The following TENM1 variants were observed in gnomAD, a reference collection of about 807,000 sequenced individuals.
The protein encoded by TENM1 is teneurin-1.
A neutral mutation model predicts 174.8 loss-of-function variants in TENM1; 35 were observed. The ratio of observed to expected loss-of-function variants is 0.20; its 90% CI spans 0.15 to 0.27. TENM1 has a LOEUF of 0.27. TENM1 is among the 10% of genes least tolerant of loss of function. The pLI is 1.00. For synonymous variants in TENM1, 781 were observed against 798.7 expected, an observed-to-expected ratio of 0.98 and a Z score of 0.37; for missense variants, 1,633 against 2,130.1, an observed-to-expected ratio of 0.77 and a Z score of 4.59.
the TENM1 span, among the ~76,000 whole-genome samples, chrX:125,126,530 T>TA: frequency 1.8e-5 from 2 of 111,422 alleles, no homozygotes; most frequent in Non-Finnish European, 3.8e-5. Flanking sequence ...TAGGCATATC[T>TA]AAGTACCAAG....
At chrX:124,660,761 T>C (rs2051580137) in intron 6 of TENM1, among the ~76,000 whole-genome samples, 1 of 112,159 alleles carries the variant, frequency 8.9e-6, no homozygotes, top group Non-Finnish European at 1.9e-5. Context: ...TCTCATACAT[T>C]GCTGGTGGGA....
the TENM1 span, among the ~76,000 whole-genome samples, chrX:125,200,158 A>T: frequency 8.9e-6 from 1 of 111,901 alleles, no homozygotes; most frequent in Admixed American, 9.6e-5. Context: ...TTCTAAAAAA[A>T]ATCAATGGAA....
At chrX:125,037,809 T>C in the TENM1 span, among the ~76,000 whole-genome samples, 1 of 111,583 alleles carries the variant, frequency 9.0e-6, no homozygotes, top group Admixed American at 9.5e-5. Flanking sequence ...TAAATTAGTC[T>C]CTCTAGGCTC....
the TENM1 span, among the ~76,000 whole-genome samples, chrX:125,162,439 T>C: frequency 8.9e-6 from 1 of 111,978 alleles, no homozygotes; most frequent in Admixed American, 9.5e-5. Context: ...TTAAATGAAG[T>C]TCACCAATGT....
intron 4 of TENM1, among the ~76,000 whole-genome samples, chrX:124,723,940 C>A (rs1272913301): frequency 9.0e-6 from 1 of 111,379 alleles, no homozygotes; most frequent in Admixed American, 9.5e-5. Flanking sequence ...TAACTGATGA[C>A]CCTGTGGCAT....
intron 11 of TENM1, among the ~76,000 whole-genome samples, chrX:124,569,227 C>A (rs186162968): frequency 5.5e-4 from 49 of 88,839 alleles, no homozygotes; most frequent in Non-Finnish European, 1.0e-3. Flanking sequence ...CAAAACCCAA[C>A]ACTGAAGAAA....
At chrX:125,032,870 C>T in the TENM1 span, among the ~76,000 whole-genome samples, 1 of 111,760 alleles carries the variant, frequency 8.9e-6, no homozygotes, top group Middle Eastern at 4.6e-3. Context: ...TTTTGCTCTG[C>T]TTAATTATTC....
chrX:124,566,864 C>T (rs2048952819), intron 11 of TENM1, among the ~76,000 whole-genome samples: 1 of 111,699 alleles, frequency 9.0e-6, no homozygotes, highest in Non-Finnish European at 1.9e-5. Context: ...CTGCTTAGTA[C>T]CTATGGACCC....
At chrX:125,193,860 A>C in the TENM1 span, among the ~76,000 whole-genome samples, 1 of 111,242 alleles carries the variant, frequency 9.0e-6, no homozygotes, top group Non-Finnish European at 1.9e-5. Flanking sequence ...GCTCACTTGC[A>C]GTCTCAACAT....
At chrX:124,872,125 G>A (rs1249732826) in intron 3 of TENM1, among the ~76,000 whole-genome samples, 2 of 109,402 alleles carry the variant, frequency 1.8e-5, no homozygotes, top group African/African-American at 6.7e-5. Flanking sequence ...GAGAGAGCAT[G>A]ATATCCTGTA....
intron 3 of TENM1, among the ~76,000 whole-genome samples, chrX:124,834,927 C>A (rs1790080843): frequency 8.9e-6 from 1 of 111,911 alleles, no homozygotes; most frequent in South Asian, 3.7e-4. Flanking sequence ...TGCTGAAATG[C>A]AAATGTAATC....
At chrX:124,823,243 G>A (rs1378547179) in intron 3 of TENM1, among the ~76,000 whole-genome samples, 1 of 111,930 alleles carries the variant, frequency 8.9e-6, no homozygotes, top group South Asian at 3.7e-4. Flanking sequence ...TGGTAAAAAC[G>A]GAAATTCAAG....
the TENM1 span, among the ~76,000 whole-genome samples, chrX:125,016,594 T>C: frequency 0.42 from 46,208 of 110,295 alleles, 8,300 homozygotes; most frequent in African/African-American, 0.7. Flanking sequence ...ACATTCCATG[T>C]TCATGGATAG....
chrX:124,875,392 A>G (rs772985550), intron 3 of TENM1, among the ~76,000 whole-genome samples: 4 of 110,024 alleles, frequency 3.6e-5, no homozygotes, highest in African/African-American at 1.3e-4. Context: ...TATTTCTTGT[A>G]TTAGTTTCAT....
intron 11 of TENM1, among the ~76,000 whole-genome samples, chrX:124,620,787 T>C (rs1039332179): frequency 4.5e-5 from 5 of 112,198 alleles, no homozygotes; most frequent in Admixed American, 9.5e-5. Context: ...TTGTCTTACA[T>C]AGAGCCTGAG....
At chrX:124,694,528 T>C (rs2052604196) in intron 5 of TENM1, among the ~76,000 whole-genome samples, 1 of 111,819 alleles carries the variant, frequency 8.9e-6, no homozygotes, top group African/African-American at 3.3e-5. Flanking sequence ...AATAAGGGAA[T>C]GGAGAGATTT....
chrX:124,931,252 CA>C (rs2058166022), intron 1 of TENM1, among the ~76,000 whole-genome samples: 1 of 89,132 alleles, frequency 1.1e-5, no homozygotes, highest in Non-Finnish European at 2.1e-5. Context: ...TCCCAAAACA[CA>C]AAAGCAAAAA....
chrX:124,904,902 A>T (rs2057721257), intron 1 of TENM1, among the ~76,000 whole-genome samples: 2 of 111,945 alleles, frequency 1.8e-5, no homozygotes, highest in Non-Finnish European at 3.8e-5. Flanking sequence ...GTTTCATGCC[A>T]TATCCCAGAT....
At chrX:124,793,016 CT>C (rs1293986494) in intron 3 of TENM1, among the ~76,000 whole-genome samples, 1 of 111,866 alleles carries the variant, frequency 8.9e-6, no homozygotes, top group African/African-American at 3.2e-5. Context: ...AATTAACATA[CT>C]TTTTTTCTAT....
Sources: allele counts gnomAD v4.1 joint callset (sites outside exome capture counted in the v4.1 genomes callset), GRCh38; gene constraint gnomAD v4.1.1; transcripts MANE v1.5; gene names NCBI Gene and HGNC (gene_info 2026-07-23, HGNC 2026-07-21).